IRAG2: variants seen among roughly 807,000 people sequenced by gnomAD.
IRAG2 encodes lymphoid restricted membrane protein.
In IRAG2, 45 loss-of-function variants were observed where a neutral mutation model predicts 69.9. The observed-to-expected ratio is 0.64, with a 90% CI of 0.51 to 0.83. The LOEUF (loss-of-function observed/expected upper bound fraction) is 0.83. IRAG2 is among the 40% of genes least tolerant of loss of function. The pLI is 0.00. For missense variants in IRAG2, 520 were observed against 587.0 expected (o/e 0.89, Z 1.18); for synonymous variants, 193 against 202.4 (o/e 0.95, Z 0.40).
At chr12:25,069,534 A>C in intron 6 of IRAG2, 103 bp downstream of exon 6, 1 of 1,047,274 alleles carries the variant, frequency 9.5e-7, no homozygotes, top group Non-Finnish European at 1.4e-6. Flanking sequence ...TTTAAGTATT[A>C]TGGATATTCT....
At chr12:25,032,656 G>A (rs182259089) in intron 12 of IRAG2, among the ~76,000 whole-genome samples, 26 of 152,256 alleles carry the variant, frequency 1.7e-4, no homozygotes, top group African/African-American at 6.0e-4. Flanking sequence ...ATGCCAGCAG[G>A]GTTGAGTTCT....
intron 1 of IRAG2, among the ~76,000 whole-genome samples, chr12:25,060,607 T>C (rs907610211): frequency 3.3e-5 from 5 of 151,824 alleles, no homozygotes; most frequent in African/African-American, 1.2e-4. Context: ...CAGAGGCTTA[T>C]TGGAGATAGG....
intron 2 of IRAG2, among the ~76,000 whole-genome samples, chr12:25,007,892 TTC>T (rs1944445092): frequency 1.3e-5 from 2 of 152,346 alleles, no homozygotes; most frequent in South Asian, 4.1e-4. Context: ...CACAAGCTGT[TTC>T]TCTGTCTCCT....
chr12:25,103,965 C>A lies in IRAG2; in HGVS notation c.997-44C>A, dbSNP rs199954634. On this transcript the variant is annotated intron_variant, in intron 18 of 21. Coordinates refer to ENST00000556887, the MANE Select transcript of IRAG2 (RefSeq NM_001366544.2). The stretch of plus-strand genomic sequence containing the variant: ...ATTTTCATATGACAGAAAATATAAA[C>A]GTATATTTTATCATTTCTTTTAACA... 9 of 1,586,594 alleles carry A rather than the reference C, an allele frequency of 5.7e-6. No homozygotes were observed. In the East Asian group the frequency reaches 2.0e-4, roughly 36 times the overall value.
chr12:25,077,159 G>C, intron 6 of IRAG2, among the ~76,000 whole-genome samples: 1 of 91,922 alleles, frequency 1.1e-5, no homozygotes, highest in East Asian at 3.4e-4. Context: ...GTGTGCCACC[G>C]TGCCTTGTTC....
Position 25,062,817 on chromosome 12 carries a change from CAG to C in IRAG2, c.-384_-383del. On this transcript the variant is annotated splice_acceptor_variant, in intron 2 of 21. Transcript: ENST00000556887. LOFTEE classifies it low-confidence loss of function (5UTR_SPLICE). ...AATACACTCTACCATTTTCTCTTGA[CAG>C]AGCTTTTTAGATGAGGAATTTCCTC... The C allele has an allele frequency of 2.5e-6, 1 of 398,938 alleles. No individual in the cohort carries two copies. The highest frequency in any genetic ancestry group is 4.4e-6 in the Non-Finnish European group (1 of 226,012). The allele number at this position is 398,938 out of a possible 1,614,324, so 24.7% of individuals were successfully genotyped here. A position where few individuals can be genotyped will look rare whatever the true frequency, so the allele number is the denominator to read the frequency against.
At chr12:25,020,750 T>C (rs2139834582) in intron 6 of IRAG2, 1 of 963,666 alleles carries the variant, frequency 1.0e-6, no homozygotes, top group East Asian at 3.3e-5. Context: ...ACGGTTATAT[T>C]TGAGGTTTTG....
At chr12:25,102,359 G>T in intron 17 of IRAG2, 118 bp downstream of exon 17, 1 of 755,970 alleles carries the variant, frequency 1.3e-6, no homozygotes, top group South Asian at 1.8e-5. Context: ...AATTCATATA[G>T]ATGTATTTGT....
At chr12:25,052,254 A>G (rs1380701611), upstream of IRAG2, 2 of 377,426 alleles carry the variant, frequency 5.3e-6, no homozygotes, top group Admixed American at 5.2e-5. Flanking sequence ...ACTAGAAGCC[A>G]TTAAACAACT....
chr12:25,054,686 A>G (rs1945119539), intron 1 of IRAG2, among the ~76,000 whole-genome samples: 1 of 152,052 alleles, frequency 6.6e-6, no homozygotes, highest in African/African-American at 2.4e-5. Context: ...GTTATGCATA[A>G]CCTGTCCAGA....
At chr12:25,089,515 ATGAAATACTTT>A in intron 11 of IRAG2, 88 bp from the exon 12 acceptor site, 1 of 671,394 alleles carries the variant, frequency 1.5e-6, no homozygotes, top group Non-Finnish European at 2.5e-6. Flanking sequence ...ACATATTTAA[ATGAAATACTTT>A]TGTTTAGTGG....
rs553767596 is a variant in IRAG2, at chr12:25,016,057, A to ATGG, written c.1055+633_1055+635dup. On this transcript the variant is annotated intron_variant, in intron 5 of 38. Coordinates refer to the IRAG2 transcript ENST00000636465. ...CCAAAAATACAAAAATTAGCCGGGC[A>ATGG]TGGTGGCACGTGCCCATAATCCCAG... 2.3e-3 allele frequency among the ~76,000 whole-genome samples: 343 copies of ATGG among 152,256 alleles called. 1 individual carries two copies. Among genetic ancestry groups the ATGG allele is most frequent in the African/African-American group, 7.7e-3 (321 of 41,550 alleles).
chr12:25,030,971 T>C (rs1565530096), intron 10 of IRAG2: 2 of 918,352 alleles, frequency 2.2e-6, no homozygotes. Context: ...TAGATAGATA[T>C]CATTCTATTC....
At chr12:25,045,442 C>T (rs1489109018) in intron 16 of IRAG2, among the ~76,000 whole-genome samples, 1 of 151,794 alleles carries the variant, frequency 6.6e-6, no homozygotes, top group Non-Finnish European at 1.5e-5. Context: ...AATTAAAAAG[C>T]AGCAAAACTA....
At chr12:25,056,120 C>G (rs1945241262) in intron 1 of IRAG2, among the ~76,000 whole-genome samples, 1 of 152,158 alleles carries the variant, frequency 6.6e-6, no homozygotes, top group African/African-American at 2.4e-5. Context: ...TGCAAACACT[C>G]TTTTAGCTTG....
intron 16 of IRAG2, among the ~76,000 whole-genome samples, chr12:25,039,905 C>T (rs1944734072): frequency 6.6e-6 from 1 of 152,174 alleles, no homozygotes; most frequent in South Asian, 2.1e-4. Context: ...AAGAATCTGA[C>T]ATATATTTAT....
chr12:25,020,800 G>A (rs1345988666), exon 7 of IRAG2: 15 of 1,230,636 alleles, frequency 1.2e-5, no homozygotes, highest in South Asian at 4.1e-5. Flanking sequence ...TGCCCACCAG[G>A]CTATTATGAG....
intron 2 of IRAG2, among the ~76,000 whole-genome samples, chr12:25,007,549 C>G (rs1272859176): frequency 6.6e-6 from 1 of 152,118 alleles, no homozygotes; most frequent in Non-Finnish European, 1.5e-5. Context: ...GAGACAGAGT[C>G]TCACTCTTGT....
chr12:25,000,706 C>T (rs892500087), upstream of IRAG2, among the ~76,000 whole-genome samples: 2 of 152,140 alleles, frequency 1.3e-5, no homozygotes, highest in South Asian at 4.1e-4. Flanking sequence ...GCAGTTCTTG[C>T]CATTGGGTTA....
Sources: allele counts gnomAD v4.1 joint callset (sites outside exome capture counted in the v4.1 genomes callset), GRCh38; gene constraint gnomAD v4.1.1; transcripts MANE v1.5; gene names NCBI Gene and HGNC (gene_info 2026-07-23, HGNC 2026-07-21).